BUD13: variants seen among roughly 807,000 people sequenced by gnomAD.
BUD13 encodes the protein BUD13 homolog.
In BUD13, 47 loss-of-function variants were observed where a neutral mutation model predicts 62.5. The ratio of observed to expected loss-of-function variants is 0.75; its 90% CI spans 0.60 to 0.96. The LOEUF (loss-of-function observed/expected upper bound fraction) is 0.96, where lower values mean the gene tolerates loss of function less well. Among genes scored for constraint, BUD13 ranks in the 40% least tolerant of loss-of-function variants. The probability of loss-of-function intolerance (pLI) is 0.00; values close to 1 mark genes in which losing one functional copy is unlikely to be tolerated. For missense variants in BUD13, 821 were observed against 790.9 expected, an observed-to-expected ratio of 1.04 and a Z score of -0.46; for synonymous variants, 293 against 280.1, an observed-to-expected ratio of 1.05 and a Z score of -0.46.
intron 5 of BUD13, among the ~76,000 whole-genome samples, chr11:116,760,353 C>G (rs1940407383): frequency 6.6e-6 from 1 of 152,216 alleles, no homozygotes; most frequent in African/African-American, 2.4e-5. Context: ...ATCTCACAGA[C>G]AGTAAGTGGC....
chr11:116,749,829 G>A (rs567950325), intron 9 of BUD13, among the ~76,000 whole-genome samples: 1 of 152,282 alleles, frequency 6.6e-6, no homozygotes, highest in Admixed American at 6.5e-5. Flanking sequence ...GATGATGAAG[G>A]CAATGATAAA....
intron 4 of BUD13, 82 bp from the exon 5 acceptor site, chr11:116,761,034 G>T: frequency 2.6e-6 from 3 of 1,133,004 alleles, no homozygotes; most frequent in Non-Finnish European, 3.8e-6. Context: ...GCTGGGAGAA[G>T]AACCTAGAAA....
In BUD13 at chr11:116,763,128, C is replaced by T; in HGVS notation, c.461G>A (p.Arg154Lys). ...RHDTPDPSPR[R>K]ARHDTPDPSP... ...AGGATCCGGGGTGTCATGACGGGCC[C>T]TCCTAGGAGATGGATCCGGGGTGTC... is the stretch of plus-strand genomic sequence containing the variant. The change falls in exon 4 of 10, where the codon AGG becomes AAG. Residue 154 changes from arginine to lysine, a missense_variant. Physicochemically the swap from Arg to Lys is conservative, Grantham distance 26. Around this residue, in one of 2 missense-constraint regions of BUD13, gnomAD observed 800 missense variants for 739.2 expected, o/e 1.08. Transcript: ENST00000260210. 3 of 1,598,684 alleles carry T rather than the reference C, an allele frequency of 1.9e-6. No homozygotes were observed. The highest frequency in any genetic ancestry group is 2.6e-6 in the Non-Finnish European group (3 of 1,168,062).
chr11:116,761,522 G>A (rs1187274045), intron 4 of BUD13, among the ~76,000 whole-genome samples: 1 of 152,122 alleles, frequency 6.6e-6, no homozygotes, highest in Non-Finnish European at 1.5e-5. Context: ...GGTAGAATAT[G>A]GCATTCTATT....
chr11:116,771,938 C>T (rs1407714421), intron 1 of BUD13, among the ~76,000 whole-genome samples: 1 of 152,238 alleles, frequency 6.6e-6, no homozygotes, highest in African/African-American at 2.4e-5. Context: ...AAGTCTCTAG[C>T]AGAGAATCTT....
rs1369279711 is a variant in BUD13 at position 116,765,365 on chromosome 11, C to A, written c.319G>T (p.Gly107Ter). ...FRSSAKWKLL[G>*]GHNEDLPSNR... ...TTTATCTATTGTTGGAACTCACCTC[C>A]CAGAAGCTTCCATTTGGCACTGGAA... Residue 107 changes from glycine to a stop codon, truncating the protein, a stop_gained, in exon 3 of 10, where the codon GGA becomes TGA. Transcript: ENST00000260210. LOFTEE classifies it high-confidence loss of function. The A allele has an allele frequency of 6.2e-7, 1 of 1,614,130 alleles. No individual in the cohort carries two copies. The highest frequency in any genetic ancestry group is 8.5e-7 in the Non-Finnish European group (1 of 1,179,978).
chr11:116,768,684 T>A (rs1940572830), intron 2 of BUD13, among the ~76,000 whole-genome samples: 1 of 152,122 alleles, frequency 6.6e-6, no homozygotes, highest in Non-Finnish European at 1.5e-5. Context: ...TAGCAAGCCC[T>A]CTTTTAAATA....
intron 9 of BUD13, among the ~76,000 whole-genome samples, chr11:116,755,337 T>C (rs116417054): frequency 1.1e-3 from 166 of 152,346 alleles, no homozygotes; most frequent in African/African-American, 3.9e-3. Context: ...TTTTCTGATA[T>C]TGTATAGTGG....
rs770960697 is a variant in BUD13, at chr11:116,772,888, C to T, written c.77G>A (p.Arg26Gln). 3.5e-5 allele frequency: 55 copies of T among 1,588,998 alleles called. No homozygotes were observed. In the African/African-American group the frequency reaches 6.6e-4, roughly 19 times the overall value. Residue 26 changes from arginine to glutamine, a missense_variant, in exon 1 of 10, where the codon CGG becomes CAG. Coordinates refer to ENST00000260210, the MANE Select transcript of BUD13 (RefSeq NM_032725.4). ...YLSGADAGVD[R>Q]GSESGRKRRK... ...ACGCTTGCGACCGGACTCAGATCCC[C>T]GGTCGACGCCGGCATCTGCCCCGGA...
chr11:116,765,265 AAAAC>A (rs1940511952), intron 3 of BUD13, 93 bp downstream of exon 3: 2 of 1,305,058 alleles, frequency 1.5e-6, no homozygotes, highest in African/African-American at 3.0e-5. Context: ...ATGACATGCT[AAAAC>A]AAACTATGCA....
chr11:116,748,712 G>A, intron 9 of BUD13, 137 bp from the exon 10 acceptor site: 2 of 911,610 alleles, frequency 2.2e-6, no homozygotes, highest in Non-Finnish European at 3.3e-6. Context: ...GCATGGCCGG[G>A]CACGGCGGCT....
rs35268246 is a variant in BUD13, at chr11:116,759,018, T to TAAA, written c.1360+53_1360+55dup. On this transcript the variant is annotated intron_variant, in intron 6 of 9. Transcript: ENST00000260210. ...AAATATCAGGTACAATAAGCTAAAT[T>TAAA]AAAAAAAAAAAAACAGTATGAGCCT... 4.0e-3 allele frequency: 4,340 copies of TAAA among 1,078,894 alleles called. 1 individual carries two copies. Among genetic ancestry groups the TAAA allele is most frequent in the Admixed American group, 6.9e-3 (298 of 43,446 alleles). The allele number at this position is 1,078,894 out of a possible 1,614,324, so 66.8% of individuals were successfully genotyped here. A position where few individuals can be genotyped will look rare whatever the true frequency, so the allele number is the denominator to read the frequency against.
At chr11:116,760,563 G>A in intron 5 of BUD13, 172 bp downstream of exon 5, 1 of 647,260 alleles carries the variant, frequency 1.5e-6, no homozygotes, top group Non-Finnish European at 2.6e-6. Context: ...TCTGGGATGG[G>A]TTATAGCCAG....
intron 2 of BUD13, among the ~76,000 whole-genome samples, chr11:116,765,668 C>G (rs1305648624): frequency 6.6e-6 from 1 of 152,228 alleles, no homozygotes; most frequent in Non-Finnish European, 1.5e-5. Flanking sequence ...TCTAATTAAT[C>G]AATTACCCTG....
chr11:116,759,018 TAAAA>T, intron 6 of BUD13, 52 bp downstream of exon 6: 1 of 1,082,212 alleles, frequency 9.2e-7, no homozygotes. Flanking sequence ...TAAGCTAAAT[TAAAA>T]AAAAAAAAAC....
rs180941480 is a variant in BUD13 at position 116,765,391 on chromosome 11, C to A, written c.293G>T (p.Arg98Leu). Reference protein sequence around the residue: ...PEEVKQMEAFRSSAKWKLLGG... With the variant: ...PEEVKQMEAFLSSAKWKLLGG... ...CAGAAGCTTCCATTTGGCACTGGAA[C>A]GAAAGGCCTCCATCTGCTTTACCTC... The change falls in exon 3 of 10, where the codon CGT (arginine) becomes CTT (leucine). Residue 98 changes from arginine to leucine, a missense_variant. Transcript: ENST00000260210. 1.4e-5 allele frequency: 23 copies of A among 1,613,986 alleles called. No individual in the cohort carries two copies. Among genetic ancestry groups the A allele is most frequent in the Middle Eastern group, 1.6e-4 (1 of 6,082 alleles).
chr11:116,765,039 G>A (rs561824460), intron 3 of BUD13, among the ~76,000 whole-genome samples: 60 of 152,286 alleles, frequency 3.9e-4, no homozygotes, highest in African/African-American at 1.4e-3. Context: ...CCTGTTTCTT[G>A]TAAACTCCTC....
intron 1 of BUD13, among the ~76,000 whole-genome samples, chr11:116,770,715 C>T (rs1162786242): frequency 2.6e-5 from 4 of 152,060 alleles, no homozygotes; most frequent in Non-Finnish European, 4.4e-5. Context: ...AGGATGGTCT[C>T]GATCTCCTGA....
chr11:116,765,646 T>G (rs1227330819), intron 2 of BUD13, among the ~76,000 whole-genome samples, 200 bp from the exon 3 acceptor site: 1 of 152,236 alleles, frequency 6.6e-6, no homozygotes, highest in African/African-American at 2.4e-5. Flanking sequence ...TTGGTTTAAT[T>G]GTAGATCCTT....
Sources: allele counts gnomAD v4.1 joint callset (sites outside exome capture counted in the v4.1 genomes callset), GRCh38; gene constraint gnomAD v4.1.1; regional missense constraint gnomAD v4.1.1; transcripts MANE v1.5; gene names NCBI Gene and HGNC (gene_info 2026-07-23, HGNC 2026-07-21).